Variants in LRP1B observed in about 807,000 individuals in gnomAD.
The protein encoded by LRP1B is low-density lipoprotein receptor-related protein 1B.
Under a neutral mutation model 556.6 loss-of-function variants are expected in LRP1B, and 217 were observed. The observed-to-expected ratio is 0.39, with a 90% CI of 0.35 to 0.44. The LOEUF is 0.44. Ranked by LOEUF, LRP1B falls within the 20% of genes least tolerant of loss-of-function variation. The pLI, the probability that LRP1B is intolerant of heterozygous loss-of-function variation, is 1.00. For synonymous variants in LRP1B, 2,047 were observed against 1,865.8 expected (o/e 1.10, Z -2.50); for missense variants, 5,053 against 5,620.8 (o/e 0.90, Z 3.23).
At chr2:140,626,762 A>C (rs2105265694) in intron 41 of LRP1B, among the ~76,000 whole-genome samples, 1 of 151,510 alleles carries the variant, frequency 6.6e-6, no homozygotes, top group South Asian at 2.1e-4. Context: ...GGAAAAATAT[A>C]TCCAAAATAT....
chr2:140,896,337 G>T (rs188838623), intron 23 of LRP1B, among the ~76,000 whole-genome samples: 1 of 151,992 alleles, frequency 6.6e-6, no homozygotes, highest in East Asian at 1.9e-4. Context: ...GATATTAGGA[G>T]TGAACTTAGA....
intron 63 of LRP1B, among the ~76,000 whole-genome samples, chr2:140,447,612 A>G (rs1021897518): frequency 2.0e-5 from 3 of 152,132 alleles, no homozygotes; most frequent in African/African-American, 7.2e-5. Flanking sequence ...GCAAGAAGGC[A>G]TCTGTACTGT....
chr2:140,577,083 T>C (rs779949895), intron 43 of LRP1B, among the ~76,000 whole-genome samples: 20 of 152,302 alleles, frequency 1.3e-4, no homozygotes, highest in Admixed American at 9.2e-4. Context: ...ATTCAGTCCA[T>C]GTTCCATCGC....
Position 140,813,687 on chromosome 2 carries a change from ATTC to A in LRP1B, c.5326_5328del (p.Glu1776del), listed in dbSNP as rs1691005340. The A allele has an allele frequency of 6.2e-7, 1 of 1,613,478 alleles. No individual in the cohort carries two copies. The highest frequency in any genetic ancestry group is 8.5e-7 in the Non-Finnish European group (1 of 1,179,684). On this transcript the variant is annotated inframe_deletion, in exon 32 of 91. Coordinates refer to ENST00000389484, the MANE Select transcript of LRP1B (RefSeq NM_018557.3). ...ATGGTTAGGGCTGTAGCTTTTGTTA[ATTC>A]TTCTTTCATTGACTCGATTACTTCT...
At chr2:141,953,691 T>A (rs1312508708) in intron 1 of LRP1B, among the ~76,000 whole-genome samples, 1 of 152,022 alleles carries the variant, frequency 6.6e-6, no homozygotes, top group East Asian at 1.9e-4. Flanking sequence ...ACCAGGAAAA[T>A]CTTTCAAATT....
intron 43 of LRP1B, among the ~76,000 whole-genome samples, chr2:140,596,105 C>T (rs953717303): frequency 3.3e-5 from 5 of 152,078 alleles, no homozygotes; most frequent in Middle Eastern, 3.4e-3. Context: ...ATATAACAGG[C>T]CATAGTAGAG....
chr2:141,229,376 A>G lies in LRP1B; in HGVS notation c.657T>C (p.Leu219=), dbSNP rs756817770. 1 of 1,609,660 alleles carries G rather than the reference A, an allele frequency of 6.2e-7. No homozygotes were observed. Among genetic ancestry groups the G allele is most frequent in the Non-Finnish European group, 8.5e-7 (1 of 1,176,358 alleles). The part of the protein sequence containing the change: ...ANFETIEVFY[L]NGSKMATLSS... Reference sequence around the variant, plus strand: ...TTAGAGTTGCCATTTTACTTCCATTAAGATAGAAAACCTCAATTGTTTCAA... The same window carrying G: ...TTAGAGTTGCCATTTTACTTCCATTGAGATAGAAAACCTCAATTGTTTCAA... The change falls in exon 6 of 91, where the codon CTT becomes CTC. Residue 219 remains leucine, a synonymous_variant. Coordinates refer to ENST00000389484, the MANE Select transcript of LRP1B (RefSeq NM_018557.3).
intron 3 of LRP1B, among the ~76,000 whole-genome samples, chr2:141,465,543 C>CTTTTTTTTTTTT (rs71391652): frequency 8.5e-6 from 1 of 117,314 alleles, no homozygotes; most frequent in Non-Finnish European, 1.9e-5. Context: ...CACAGCATGA[C>CTTTTTTTTTTTT]TTTTTTTTTT....
intron 1 of LRP1B, among the ~76,000 whole-genome samples, chr2:142,101,602 A>G (rs1706571305): frequency 6.6e-6 from 1 of 151,962 alleles, no homozygotes; most frequent in Non-Finnish European, 1.5e-5. Context: ...GAAGTTTAAT[A>G]TTGTATTGAT....
intron 84 of LRP1B, among the ~76,000 whole-genome samples, chr2:140,296,867 T>C (rs975329141): frequency 6.6e-6 from 1 of 151,578 alleles, no homozygotes. Context: ...AAAGAAAAAA[T>C]ATAAATAGAA....
chr2:141,841,650 TGAGA>T (rs1379864800), intron 1 of LRP1B, among the ~76,000 whole-genome samples: 2 of 152,092 alleles, frequency 1.3e-5, no homozygotes, highest in East Asian at 3.9e-4. Context: ...TGGCACGAAG[TGAGA>T]GAGAGTTAAG....
At chr2:140,928,686 GT>G (rs1694958587) in intron 20 of LRP1B, among the ~76,000 whole-genome samples, 1 of 152,038 alleles carries the variant, frequency 6.6e-6, no homozygotes, top group South Asian at 2.1e-4. Context: ...GAAATACATT[GT>G]CAATATCATT....
intron 2 of LRP1B, among the ~76,000 whole-genome samples, chr2:141,624,781 A>G (rs1040574973): frequency 6.6e-6 from 1 of 151,900 alleles, no homozygotes; most frequent in Non-Finnish European, 1.5e-5. Flanking sequence ...TTTTATTTTT[A>G]TTTTTTGAGA....
At chr2:141,194,984 AGTT>A (rs1681692403) in intron 6 of LRP1B, among the ~76,000 whole-genome samples, 1 of 152,166 alleles carries the variant, frequency 6.6e-6, no homozygotes, top group Non-Finnish European at 1.5e-5. Flanking sequence ...GATATACAGT[AGTT>A]GTGATAATTT....
chr2:141,464,606 A>ATATATATATATATATATATTTTTTTTTT, intron 3 of LRP1B, among the ~76,000 whole-genome samples: 1 of 90,562 alleles, frequency 1.1e-5, no homozygotes, highest in African/African-American at 4.3e-5. Context: ...ATATATATAT[A>ATATATATATATATATATATTTTTTTTTT]TTTTTTTAGT....
At chr2:141,264,489 C>G (rs1684814079) in intron 3 of LRP1B, among the ~76,000 whole-genome samples, 1 of 152,106 alleles carries the variant, frequency 6.6e-6, no homozygotes, top group Non-Finnish European at 1.5e-5. Context: ...GAGTCTTACT[C>G]TTGTCATCCA....
At chr2:140,352,107 A>C (rs1296448829) in intron 76 of LRP1B, among the ~76,000 whole-genome samples, 1 of 152,138 alleles carries the variant, frequency 6.6e-6, no homozygotes, top group Non-Finnish European at 1.5e-5. Context: ...TAGCATAAAC[A>C]CATGAATATT....
intron 2 of LRP1B, among the ~76,000 whole-genome samples, chr2:141,511,147 C>G (rs983198): frequency 0.97 from 148,288 of 152,216 alleles, 72,345 homozygotes; most frequent in East Asian, 1. Flanking sequence ...ATTGGACTGG[C>G]AAGAGTATGA....
chr2:141,141,644 T>C (rs945827015), intron 7 of LRP1B, among the ~76,000 whole-genome samples: 4 of 152,316 alleles, frequency 2.6e-5, no homozygotes, highest in Admixed American at 6.5e-5. Flanking sequence ...TTATGGACCT[T>C]GTATGAATAT....
Sources: allele counts gnomAD v4.1 joint callset (sites outside exome capture counted in the v4.1 genomes callset), GRCh38; gene constraint gnomAD v4.1.1; transcripts MANE v1.5; gene names NCBI Gene and HGNC (gene_info 2026-07-23, HGNC 2026-07-21).